SNX24: variants seen among roughly 807,000 people sequenced by gnomAD.
SNX24 encodes sorting nexin-24.
In SNX24, 22 loss-of-function variants were observed where a neutral mutation model predicts 28.7. The observed-to-expected ratio is 0.77, with a 90% confidence interval of 0.55 to 1.10. The LOEUF (loss-of-function observed/expected upper bound fraction) is 1.10. SNX24 is among the 50% of genes least tolerant of loss of function. The pLI is 0.00. For synonymous variants in SNX24, 69 were observed against 71.5 expected (o/e 0.96, Z 0.18); for missense variants, 221 against 201.1 (o/e 1.10, Z -0.60).
intron 5 of SNX24, chr5:123,026,083 G>C (rs1581872349): frequency 1.2e-6 from 1 of 859,532 alleles, no homozygotes; most frequent in Non-Finnish European, 1.7e-6. Context: ...GGTAGGGATG[G>C]GGAAGACATG....
chr5:122,882,746 T>TA (rs1464784606), intron 1 of SNX24, among the ~76,000 whole-genome samples: 1 of 152,266 alleles, frequency 6.6e-6, no homozygotes, highest in Non-Finnish European at 1.5e-5. Context: ...TTCCTTTTTT[T>TA]AATCTTACAA....
chr5:123,019,425 A>G (rs1219421045), intron 5 of SNX24, among the ~76,000 whole-genome samples: 2 of 152,180 alleles, frequency 1.3e-5, no homozygotes, highest in Non-Finnish European at 2.9e-5. Context: ...AATCCTTGCC[A>G]TGTTTTTGTC....
At chr5:123,023,752 G>GTT in intron 5 of SNX24, 1 of 1,368,066 alleles carries the variant, frequency 7.3e-7, no homozygotes, top group Non-Finnish European at 9.6e-7. Flanking sequence ...TGTGATCTGG[G>GTT]ATAGAATACA....
At chr5:122,884,182 AT>A (rs1258571942) in intron 1 of SNX24, among the ~76,000 whole-genome samples, 2 of 148,452 alleles carry the variant, frequency 1.3e-5, no homozygotes, top group African/African-American at 5.0e-5. Flanking sequence ...AGTTAGTCTG[AT>A]TTGAATTCTG....
At chr5:122,944,251 C>T (rs1759582983) in intron 2 of SNX24, among the ~76,000 whole-genome samples, 1 of 152,146 alleles carries the variant, frequency 6.6e-6, no homozygotes, top group Admixed American at 6.5e-5. Flanking sequence ...TTCTTCCAGG[C>T]ATGGCTTCTG....
chr5:122,965,400 A>C, intron 3 of SNX24: 1 of 453,836 alleles, frequency 2.2e-6, no homozygotes, highest in Non-Finnish European at 4.4e-6. Context: ...ACTTCTGAGA[A>C]CAAATAAGGA....
intron 1 of SNX24, among the ~76,000 whole-genome samples, chr5:122,925,415 A>G (rs1758652941): frequency 6.6e-6 from 1 of 150,906 alleles, no homozygotes; most frequent in African/African-American, 2.4e-5. Flanking sequence ...ACGTGCCACC[A>G]TACCCAGCTA....
At chr5:122,846,520 T>C (rs1159847030) in intron 1 of SNX24, among the ~76,000 whole-genome samples, 1 of 152,248 alleles carries the variant, frequency 6.6e-6, no homozygotes, top group Non-Finnish European at 1.5e-5. Flanking sequence ...CAGGGCAGTC[T>C]GAAAGATTTG....
chr5:122,986,283 C>G (rs945847033), intron 3 of SNX24, among the ~76,000 whole-genome samples: 11 of 152,102 alleles, frequency 7.2e-5, no homozygotes, highest in Admixed American at 5.9e-4. Context: ...AGTCTGGATC[C>G]CAGACAAGAA....
At chr5:122,895,850 C>A (rs1273747627) in intron 1 of SNX24, among the ~76,000 whole-genome samples, 2 of 152,136 alleles carry the variant, frequency 1.3e-5, no homozygotes, top group Non-Finnish European at 2.9e-5. Flanking sequence ...AGAAATGATA[C>A]AGAAATATAG....
chr5:122,866,564 G>A (rs1434766605), intron 1 of SNX24, among the ~76,000 whole-genome samples: 1 of 152,114 alleles, frequency 6.6e-6, no homozygotes, highest in Admixed American at 6.6e-5. Context: ...ATTCCTGAAG[G>A]GTCTGGGCTA....
chr5:122,918,095 C>CAAAT (rs1429492101), intron 1 of SNX24, among the ~76,000 whole-genome samples: 3 of 151,998 alleles, frequency 2.0e-5, no homozygotes, highest in Non-Finnish European at 4.4e-5. Flanking sequence ...TAATAATAAA[C>CAAAT]AAATAAATAA....
intron 3 of SNX24, among the ~76,000 whole-genome samples, chr5:122,962,450 A>G (rs892096894): frequency 6.6e-6 from 1 of 152,230 alleles, no homozygotes; most frequent in Non-Finnish European, 1.5e-5. Flanking sequence ...TTTAGTGCAG[A>G]GCAGTGTTTT....
At chr5:122,959,815 G>A (rs528595899) in intron 3 of SNX24, among the ~76,000 whole-genome samples, 1 of 152,042 alleles carries the variant, frequency 6.6e-6, no homozygotes, top group Admixed American at 6.6e-5. Context: ...GGACACACAC[G>A]AGGAGTTAGG....
At chr5:122,848,903 A>C (rs1754773998) in intron 1 of SNX24, among the ~76,000 whole-genome samples, 2 of 152,204 alleles carry the variant, frequency 1.3e-5, no homozygotes, top group Non-Finnish European at 2.9e-5. Flanking sequence ...TCTTTTAAAA[A>C]AATAAATGGC....
At chr5:122,954,551 T>C (rs1760121464) in intron 3 of SNX24, among the ~76,000 whole-genome samples, 1 of 151,982 alleles carries the variant, frequency 6.6e-6, no homozygotes, top group Non-Finnish European at 1.5e-5. Context: ...CATTTGTTTA[T>C]ATTTGTTTTT....
chr5:122,946,012 C>G, intron 2 of SNX24, 43 bp from the exon 3 acceptor site: 2 of 865,960 alleles, frequency 2.3e-6, no homozygotes, highest in Non-Finnish European at 3.3e-6. Context: ...ACAGACATCT[C>G]TGTTTTTTTT....
rs1285598339 is a variant in SNX24 at position 122,918,610 on chromosome 5, G to A, written c.61-18124G>A. Among the ~76,000 whole-genome samples the A allele has an allele frequency of 2.6e-5, 4 of 152,132 alleles. No individual in the cohort carries two copies. In the East Asian group the frequency reaches 7.7e-4, roughly 29 times the overall value. ...AATATCTTACTCTGTCCTGTGTCTA[G>A]TACACAGCCTAGCATAGATTAGGAA... On this transcript the variant is annotated intron_variant, in intron 1 of 6. Transcript: ENST00000261369.
chr5:122,937,986 G>A (rs1371448042), intron 2 of SNX24, among the ~76,000 whole-genome samples: 1 of 152,110 alleles, frequency 6.6e-6, no homozygotes, highest in Admixed American at 6.6e-5. Flanking sequence ...ATTAAAACCA[G>A]CACCCCCTGC....
Sources: allele counts gnomAD v4.1 joint callset (sites outside exome capture counted in the v4.1 genomes callset), GRCh38; gene constraint gnomAD v4.1.1; transcripts MANE v1.5; gene names NCBI Gene and HGNC (gene_info 2026-07-23, HGNC 2026-07-21).